Variants in STAT5B observed in about 807,000 individuals in gnomAD.
The protein encoded by STAT5B is transcription factor STAT5B.
Under a neutral mutation model 107.8 loss-of-function variants are expected in STAT5B, and 21 were observed. The ratio of observed to expected loss-of-function variants is 0.19; its 90% CI spans 0.14 to 0.28. The LOEUF (loss-of-function observed/expected upper bound fraction) is 0.28. Ranked by LOEUF, STAT5B falls within the 10% of genes least tolerant of loss-of-function variation. The pLI, the probability that STAT5B is intolerant of heterozygous loss-of-function variation, is 1.00. For synonymous variants in STAT5B, 325 were observed against 401.7 expected (o/e 0.81, Z 2.28); for missense variants, 565 against 1,008.2 (o/e 0.56, Z 5.95).
At chr17:42,206,023 C>A (rs1440422326) in intron 16 of STAT5B, among the ~76,000 whole-genome samples, 1 of 152,154 alleles carries the variant, frequency 6.6e-6, no homozygotes, top group African/African-American at 2.4e-5. Context: ...CTCTACCTTG[C>A]TTTATTTGTC....
Position 42,199,970 on chromosome 17 carries a change from C to T in STAT5B, c.*1768G>A, listed in dbSNP as rs756476830. ...GCAGGCTCTCCTTCTCACCCTTCCCCGATGCACCCATCCTCATGGTTGGAA... is the reference window on the plus strand; with the variant it reads ...GCAGGCTCTCCTTCTCACCCTTCCCTGATGCACCCATCCTCATGGTTGGAA... On this transcript the variant is annotated 3_prime_UTR_variant, in exon 19 of 19. Coordinates refer to ENST00000293328, the MANE Select transcript of STAT5B (RefSeq NM_012448.4). 3 of 152,438 alleles carry T rather than the reference C, an allele frequency of 2.0e-5. No individual in the cohort carries two copies. The highest frequency in any genetic ancestry group is 2.9e-5 in the Non-Finnish European group (2 of 68,030). The allele number at this position is 152,438 out of a possible 1,614,324, so 9.4% of individuals were successfully genotyped here. A position where few individuals can be genotyped will look rare whatever the true frequency, so the allele number is the denominator to read the frequency against.
intron 12 of STAT5B, among the ~76,000 whole-genome samples, chr17:42,212,681 A>G (rs1050484436): frequency 6.6e-6 from 1 of 152,266 alleles, no homozygotes; most frequent in Non-Finnish European, 1.5e-5. Context: ...GGAAGAGTGG[A>G]AATTTTGAGT....
At chr17:42,207,065 GT>G (rs1160591580) in intron 16 of STAT5B, among the ~76,000 whole-genome samples, 1 of 151,740 alleles carries the variant, frequency 6.6e-6, no homozygotes, top group African/African-American at 2.4e-5. Context: ...TAGAGATAGG[GT>G]TTCACCATGT....
At position 42,214,874 on chromosome 17, in the gene STAT5B, C is replaced by A. The variant is rs368387049; in HGVS notation, c.1473+1140G>T. 8.0e-4 allele frequency among the ~76,000 whole-genome samples: 122 copies of A among 152,262 alleles called. 2 individuals are homozygous for A. The South Asian group carries it at 0.016, about 20-fold the overall frequency. On this transcript the variant is annotated intron_variant, in intron 12 of 18. Coordinates refer to ENST00000293328, the MANE Select transcript of STAT5B (RefSeq NM_012448.4). ...AGGCGATCCTCCCGCCTCAGCCCCC[C>A]CCAAGTAGCTGGGACTAGAGGCTGG...
chr17:42,253,482 A>G lies in STAT5B; in HGVS notation c.-10-21345T>C, dbSNP rs577666959. ...CTATTTGTGACTAGTAAACTTACAT[A>G]AATACTAGCAATCTAAATTTGGGAG... On this transcript the variant is annotated intron_variant, in intron 1 of 18. Coordinates refer to ENST00000293328, the MANE Select transcript of STAT5B (RefSeq NM_012448.4). Among the ~76,000 whole-genome samples, 17 of 152,340 alleles carry G rather than the reference A, an allele frequency of 1.1e-4. No individual in the cohort carries two copies. In the South Asian group the frequency reaches 1.4e-3, roughly 13 times the overall value.
chr17:42,246,478 A>G (rs1411937132), intron 1 of STAT5B, among the ~76,000 whole-genome samples: 1 of 152,160 alleles, frequency 6.6e-6, no homozygotes, highest in Non-Finnish European at 1.5e-5. Context: ...GTGATTTAAG[A>G]CTGTTAATAG....
intron 1 of STAT5B, among the ~76,000 whole-genome samples, chr17:42,253,127 T>C (rs183807706): frequency 3.9e-4 from 60 of 152,304 alleles, no homozygotes; most frequent in Non-Finnish European, 6.9e-4. Context: ...TTTCTTTCTT[T>C]CTTTCTTTCT....
chr17:42,254,536 T>A (rs1368064318), intron 1 of STAT5B, among the ~76,000 whole-genome samples: 1 of 151,742 alleles, frequency 6.6e-6, no homozygotes, highest in Non-Finnish European at 1.5e-5. Flanking sequence ...AAAAAAAAAA[T>A]TAAGAATATT....
At chr17:42,259,524 C>T (rs367869850) in intron 1 of STAT5B, among the ~76,000 whole-genome samples, 7 of 152,104 alleles carry the variant, frequency 4.6e-5, no homozygotes, top group South Asian at 4.2e-4. Context: ...CGGTGGCTCA[C>T]GCCTGTAATC....
intron 2 of STAT5B, among the ~76,000 whole-genome samples, chr17:42,231,430 C>T (rs917941303): frequency 6.6e-6 from 1 of 152,148 alleles, no homozygotes; most frequent in Non-Finnish European, 1.5e-5. Context: ...CAACCTTTGC[C>T]TCCCAGGCTC....
chr17:42,237,847 A>G (rs185988010), intron 1 of STAT5B, among the ~76,000 whole-genome samples: 1 of 152,260 alleles, frequency 6.6e-6, no homozygotes, highest in African/African-American at 2.4e-5. Flanking sequence ...AATAATACTT[A>G]TGCCCCTTAG....
intron 1 of STAT5B, among the ~76,000 whole-genome samples, chr17:42,239,294 CTTCT>C (rs969322509): frequency 6.5e-4 from 98 of 151,018 alleles, no homozygotes; most frequent in African/African-American, 2.3e-3. Context: ...TATTCCATTC[CTTCT>C]AATATGTTGT....
chr17:42,225,198 G>A (rs764096503), intron 3 of STAT5B, among the ~76,000 whole-genome samples: 1 of 151,908 alleles, frequency 6.6e-6, no homozygotes, highest in Admixed American at 6.6e-5. Context: ...GGGATTACAG[G>A]GGCCCGCCAC....
At chr17:42,252,467 T>C (rs778830764) in intron 1 of STAT5B, among the ~76,000 whole-genome samples, 1 of 152,228 alleles carries the variant, frequency 6.6e-6, no homozygotes, top group African/African-American at 2.4e-5. Flanking sequence ...CTGATTCATT[T>C]TGATTTCCCC....
intron 1 of STAT5B, among the ~76,000 whole-genome samples, chr17:42,253,831 G>A (rs921277459): frequency 2.0e-5 from 3 of 152,084 alleles, no homozygotes; most frequent in Non-Finnish European, 2.9e-5. Flanking sequence ...GTGAGTCACC[G>A]CGCCTGGCCT....
chr17:42,279,346 G>A (rs1206714918), upstream of STAT5B, among the ~76,000 whole-genome samples: 1 of 152,202 alleles, frequency 6.6e-6, no homozygotes, highest in Non-Finnish European at 1.5e-5. Context: ...TTTACTACAT[G>A]TAAAGTGCTT....
intron 12 of STAT5B, among the ~76,000 whole-genome samples, chr17:42,215,135 G>A (rs1386695857): frequency 1.3e-5 from 2 of 152,134 alleles, no homozygotes; most frequent in Non-Finnish European, 2.9e-5. Context: ...TATCTTCCTT[G>A]AGGCAAAGTA....
intron 2 of STAT5B, among the ~76,000 whole-genome samples, chr17:42,230,596 T>C (rs2080309456): frequency 6.6e-6 from 1 of 152,122 alleles, no homozygotes; most frequent in East Asian, 1.9e-4. Flanking sequence ...AAAGAAAAAT[T>C]AAAATGCTTA....
intron 3 of STAT5B, among the ~76,000 whole-genome samples, chr17:42,225,347 G>A (rs571615993): frequency 6.6e-6 from 1 of 152,212 alleles, no homozygotes; most frequent in South Asian, 2.1e-4. Context: ...ATCTTAATTT[G>A]CCTAAAGTAT....
Sources: allele counts gnomAD v4.1 joint callset (sites outside exome capture counted in the v4.1 genomes callset), GRCh38; gene constraint gnomAD v4.1.1; transcripts MANE v1.5; gene names NCBI Gene and HGNC (gene_info 2026-07-23, HGNC 2026-07-21).